The following C18orf63 variants were observed in gnomAD, a reference collection of about 807,000 sequenced individuals.
C18orf63 encodes the protein uncharacterized protein C18orf63.
C18orf63 carries 50 observed loss-of-function variants against 75.3 expected under a neutral mutation model. The observed-to-expected ratio is 0.66, with a 90% CI of 0.53 to 0.84. C18orf63 has a LOEUF of 0.84. C18orf63 is among the 40% of genes least tolerant of loss of function. C18orf63 has a pLI of 0.00. For synonymous variants in C18orf63, 232 were observed against 267.6 expected, an observed-to-expected ratio of 0.87 and a Z score of 1.30; for missense variants, 732 against 800.2, an observed-to-expected ratio of 0.91 and a Z score of 1.03.
Position 74,342,292 on chromosome 18 carries a change from ATCTAT to A in C18orf63, c.762_766del (p.Tyr255GlnfsTer42), listed in dbSNP as rs1984502132. On this transcript the variant is annotated frameshift_variant, in exon 10 of 14. Coordinates refer to ENST00000579455, the MANE Select transcript of C18orf63 (RefSeq NM_001174123.2). LOFTEE classifies it high-confidence loss of function. ...TGGAAAAATTAAAATATACTGCAAC[ATCTAT>A]TTCAAAATGCTCGGAGAAAGGACCT... 1 of 1,533,130 alleles carries A rather than the reference ATCTAT, an allele frequency of 6.5e-7. No homozygotes were observed. The highest frequency in any genetic ancestry group is 2.4e-5 in the East Asian group (1 of 40,886). The allele number at this position is 1,533,130 out of a possible 1,614,324, so 95.0% of individuals were successfully genotyped here.
Position 74,343,883 on chromosome 18 carries a change from T to C in C18orf63, c.978+181T>C, listed in dbSNP as rs533594728. Among the ~76,000 whole-genome samples, 142 of 151,922 alleles carry C rather than the reference T, an allele frequency of 9.3e-4. 3 individuals are homozygous for C. In the South Asian group the frequency reaches 0.028, roughly 30 times the overall value. On this transcript the variant is annotated intron_variant, in intron 11 of 13. Coordinates refer to ENST00000579455, the MANE Select transcript of C18orf63 (RefSeq NM_001174123.2). ...ACTATACTTAGTCATTTGTTATTATTATTATATTTAACATGGTATTATAGT... is the reference window on the plus strand; with the variant it reads ...ACTATACTTAGTCATTTGTTATTATCATTATATTTAACATGGTATTATAGT...
intron 8 of C18orf63, among the ~76,000 whole-genome samples, chr18:74,341,002 C>A (rs532195062): frequency 1.3e-5 from 2 of 152,076 alleles, no homozygotes; most frequent in Non-Finnish European, 2.9e-5. Flanking sequence ...CGGTGGCTCA[C>A]GCCTGTAGTC....
chr18:74,356,147 G>A (rs1017944551), intron 13 of C18orf63, among the ~76,000 whole-genome samples: 1 of 152,102 alleles, frequency 6.6e-6, no homozygotes, highest in African/African-American at 2.4e-5. Context: ...ATAAATTTGT[G>A]GGGTACAAGT....
intron 1 of C18orf63, among the ~76,000 whole-genome samples, chr18:74,317,490 A>C (rs1984045473): frequency 6.6e-6 from 1 of 152,258 alleles, no homozygotes; most frequent in Non-Finnish European, 1.5e-5. Flanking sequence ...CTTTTAAAAA[A>C]TAGTTATTGT....
At chr18:74,320,656 T>G in intron 3 of C18orf63, 65 bp downstream of exon 3, 1 of 963,870 alleles carries the variant, frequency 1.0e-6, no homozygotes. Flanking sequence ...AAATAATAAT[T>G]TAGGTATTAT....
Position 74,338,819 on chromosome 18 carries a change from G to A in C18orf63, c.606G>A (p.Leu202=), listed in dbSNP as rs1054965249. ...HSILSNWCYV[L]PSMKMGQIIN... is the part of the protein sequence containing the mutation. ...TTTTAAGCAACTGGTGCTACGTTTTGCCAAGGTGAGATTTCAATTTGTAAT... is the reference window on the plus strand; with the variant it reads ...TTTTAAGCAACTGGTGCTACGTTTTACCAAGGTGAGATTTCAATTTGTAAT... The change falls in exon 8 of 14, where the codon TTG becomes TTA. Residue 202 remains leucine, a synonymous_variant. Transcript: ENST00000579455. 8.0e-6 allele frequency: 11 copies of A among 1,368,984 alleles called. No individual in the cohort carries two copies. In the African/African-American group the frequency reaches 1.3e-4, roughly 16 times the overall value. The allele number at this position is 1,368,984 out of a possible 1,614,324, so 84.8% of individuals were successfully genotyped here. A position where few individuals can be genotyped will look rare whatever the true frequency, so the allele number is the denominator to read the frequency against.
At chr18:74,320,896 T>C (rs1284532617) in intron 3 of C18orf63, among the ~76,000 whole-genome samples, 2 of 152,218 alleles carry the variant, frequency 1.3e-5, no homozygotes, top group Non-Finnish European at 2.9e-5. Context: ...CATTTTATCA[T>C]ATTTTATTCT....
In C18orf63 at chr18:74,338,698, C is replaced by T; in HGVS notation, c.502-17C>T. The stretch of plus-strand genomic sequence containing the variant: ...CCAAATGATTTGAGGACTTACAAAT[C>T]TTATTTCTATTAAAAGCTAAAAGAG... On this transcript the variant is annotated splice_polypyrimidine_tract_variant and intron_variant, in intron 7 of 13. Coordinates refer to ENST00000579455, the MANE Select transcript of C18orf63 (RefSeq NM_001174123.2). 1 of 1,155,548 alleles carries T rather than the reference C, an allele frequency of 8.7e-7. No individual in the cohort carries two copies. The highest frequency in any genetic ancestry group is 2.3e-5 in the South Asian group (1 of 42,814). 71.6% of individuals were successfully genotyped at this position (1,155,548 alleles called of 1,614,324 possible).
intron 8 of C18orf63, among the ~76,000 whole-genome samples, chr18:74,340,715 T>C (rs7233071): frequency 0.51 from 77,243 of 151,294 alleles, 20,342 homozygotes; most frequent in Non-Finnish European, 0.58. Context: ...CATGGATGAA[T>C]CTAAGGAATA....
intron 4 of C18orf63, among the ~76,000 whole-genome samples, chr18:74,324,869 A>G (rs1984182830): frequency 6.6e-6 from 1 of 152,086 alleles, no homozygotes; most frequent in South Asian, 2.1e-4. Context: ...CCTTCACTAG[A>G]CTTTCCAACC....
chr18:74,353,770 C>A lies in C18orf63; in HGVS notation c.1503C>A (p.Asn501Lys). The change falls in exon 12 of 14, where the codon AAC (asparagine) becomes AAA (lysine). Residue 501 changes from asparagine (N) to lysine (K), a missense_variant. Physicochemically the swap from Asn to Lys is moderately conservative, Grantham distance 94 (BLOSUM62 0). Coordinates refer to ENST00000579455, the MANE Select transcript of C18orf63 (RefSeq NM_001174123.2). ...YSSNIQMQAA[N>K]NLNQENSRPL... The stretch of plus-strand genomic sequence containing the variant: ...GTAACATTCAGATGCAGGCTGCTAA[C>A]AATTTAAATCAGGAGAATTCCAGAC... 6.5e-7 allele frequency: 1 copy of A among 1,535,706 alleles called. No homozygotes were observed. Among genetic ancestry groups the A allele is most frequent in the Non-Finnish European group, 8.7e-7 (1 of 1,146,786 alleles).
At chr18:74,329,237 C>T (rs1477406604) in intron 6 of C18orf63, among the ~76,000 whole-genome samples, 1 of 151,800 alleles carries the variant, frequency 6.6e-6, no homozygotes, top group Non-Finnish European at 1.5e-5. Context: ...AAATTATTAG[C>T]CAGGCACCAC....
chr18:74,345,252 C>T (rs1365520262), intron 11 of C18orf63, among the ~76,000 whole-genome samples: 6 of 151,664 alleles, frequency 4.0e-5, no homozygotes, highest in East Asian at 3.9e-4. Context: ...TTGATTTATA[C>T]GTATTTTTAA....
Position 74,343,715 on chromosome 18 carries a change from T to C in C18orf63, c.978+13T>C, listed in dbSNP as rs1984526167. The C allele has an allele frequency of 7.0e-7, 1 of 1,432,784 alleles. No homozygotes were observed. The highest frequency in any genetic ancestry group is 9.3e-7 in the Non-Finnish European group (1 of 1,079,822). The allele number at this position is 1,432,784 out of a possible 1,614,324, so 88.8% of individuals were successfully genotyped here. On this transcript the variant is annotated intron_variant, in intron 11 of 13. Coordinates refer to ENST00000579455, the MANE Select transcript of C18orf63 (RefSeq NM_001174123.2). Reference sequence around the variant, plus strand: ...ACCTAATATACAGGTAAGAGATCTCTTGTCCTATCTAGTTCTCCAAGACAT... The same window carrying C: ...ACCTAATATACAGGTAAGAGATCTCCTGTCCTATCTAGTTCTCCAAGACAT...
intron 2 of C18orf63, 78 bp from the exon 3 acceptor site, chr18:74,320,435 T>G (rs1984101024): frequency 1.0e-6 from 1 of 974,990 alleles, no homozygotes; most frequent in Non-Finnish European, 1.5e-6. Flanking sequence ...CTGGGGATTA[T>G]AATTCAACAT....
At chr18:74,335,708 G>A (rs538070148) in intron 7 of C18orf63, among the ~76,000 whole-genome samples, 2 of 152,190 alleles carry the variant, frequency 1.3e-5, no homozygotes, top group South Asian at 4.1e-4. Context: ...TTCGTAGATG[G>A]ATATTTACTG....
At chr18:74,332,977 CATAA>C (rs1189636756) in intron 7 of C18orf63, among the ~76,000 whole-genome samples, 1 of 152,144 alleles carries the variant, frequency 6.6e-6, no homozygotes, top group Non-Finnish European at 1.5e-5. Flanking sequence ...AGGAGTAAGA[CATAA>C]ATAGAGATCA....
At chr18:74,332,824 T>G (rs1984332225) in intron 7 of C18orf63, among the ~76,000 whole-genome samples, 1 of 152,156 alleles carries the variant, frequency 6.6e-6, no homozygotes, top group South Asian at 2.1e-4. Context: ...TATACTCACA[T>G]GCTTATTTCT....
intron 7 of C18orf63, among the ~76,000 whole-genome samples, chr18:74,332,308 TC>T (rs1270550047): frequency 1.3e-5 from 2 of 152,126 alleles, no homozygotes; most frequent in African/African-American, 2.4e-5. Flanking sequence ...TGAGTCCTAC[TC>T]CCATGATAAA....
Sources: gnomAD v4.1 joint callset for allele counts (sites outside exome capture counted in the v4.1 genomes callset) on GRCh38, gnomAD v4.1.1 for gene constraint, MANE v1.5 for transcripts, NCBI Gene and HGNC (gene_info 2026-07-23, HGNC 2026-07-21) for gene names.